DLG1: variants seen among roughly 807,000 people sequenced by gnomAD.
DLG1 encodes disks large homolog 1.
Under a neutral mutation model 123.4 loss-of-function variants are expected in DLG1, and 42 were observed. The observed-to-expected ratio is 0.34, with a 90% CI of 0.27 to 0.44. DLG1 has a LOEUF of 0.44. Ranked by LOEUF, DLG1 falls within the 20% of genes least tolerant of loss-of-function variation. The pLI is 1.00. For synonymous variants in DLG1, 317 were observed against 356.2 expected, an observed-to-expected ratio of 0.89 and a Z score of 1.24; for missense variants, 942 against 1,082.6, an observed-to-expected ratio of 0.87 and a Z score of 1.82.
intron 5 of DLG1, among the ~76,000 whole-genome samples, chr3:197,168,511 T>C (rs1488039642): frequency 6.6e-6 from 1 of 152,234 alleles, no homozygotes; most frequent in Non-Finnish European, 1.5e-5. Context: ...GCAAAGGTTT[T>C]AGAGCAGGGT....
chr3:197,084,540 G>T (rs1753107405), intron 16 of DLG1, among the ~76,000 whole-genome samples: 1 of 151,832 alleles, frequency 6.6e-6, no homozygotes, highest in South Asian at 2.1e-4. Flanking sequence ...TCAAACTCCT[G>T]ACCTCGTGAT....
Position 197,279,440 on chromosome 3 carries a change from A to G in DLG1, c.318+3239T>C, listed in dbSNP as rs1021041887. On this transcript the variant is annotated intron_variant, in intron 4 of 24. Coordinates refer to ENST00000667157, the MANE Select transcript of DLG1 (RefSeq NM_001366207.1). ...TTTAAACATCTAGGCCTTGATGGAC[A>G]TATCCCAATGTTCCCCTTAGAGTCT... Among the ~76,000 whole-genome samples the G allele has an allele frequency of 5.3e-5, 8 of 152,340 alleles. 1 individual carries two copies. Among genetic ancestry groups the G allele is most frequent in the African/African-American group, 1.9e-4 (8 of 41,592 alleles).
chr3:197,076,711 C>CA, intron 17 of DLG1, 26 bp from the exon 18 acceptor site: 1 of 1,563,664 alleles, frequency 6.4e-7, no homozygotes, highest in East Asian at 2.3e-5. Flanking sequence ...AGGGGCAAAA[C>CA]AAAGGGATGT....
intron 4 of DLG1, among the ~76,000 whole-genome samples, chr3:197,250,440 G>A (rs1197244223): frequency 6.6e-6 from 1 of 151,856 alleles, no homozygotes; most frequent in Non-Finnish European, 1.5e-5. Flanking sequence ...GTCATGGTGG[G>A]CACCTGTAAT....
chr3:197,183,964 G>A (rs1287472715), intron 5 of DLG1: 1 of 1,425,922 alleles, frequency 7.0e-7, no homozygotes, highest in East Asian at 2.5e-5. Context: ...TTTTCTCAGT[G>A]ATTTCTTCCT....
chr3:197,258,663 T>G (rs115128302), intron 4 of DLG1, among the ~76,000 whole-genome samples: 1 of 152,118 alleles, frequency 6.6e-6, no homozygotes, highest in East Asian at 1.9e-4. Flanking sequence ...AAAACACATA[T>G]AGAATCACAA....
At chr3:197,109,666 T>C (rs1029127817) in intron 13 of DLG1, among the ~76,000 whole-genome samples, 1 of 152,230 alleles carries the variant, frequency 6.6e-6, no homozygotes, top group Non-Finnish European at 1.5e-5. Context: ...ATTCTCTTAT[T>C]TCCTATAGGG....
chr3:197,075,317 CAAAAAAAA>C (rs58384491), intron 18 of DLG1, among the ~76,000 whole-genome samples: 17 of 90,300 alleles, frequency 1.9e-4, no homozygotes, highest in Admixed American at 5.0e-4. Flanking sequence ...ATAACTTTCT[CAAAAAAAA>C]AAAAAAAAAA....
intron 4 of DLG1, among the ~76,000 whole-genome samples, chr3:197,229,825 C>T (rs981623975): frequency 3.3e-5 from 5 of 152,188 alleles, no homozygotes; most frequent in African/African-American, 9.7e-5. Context: ...TTTGGATATA[C>T]TTTAACACAT....
At chr3:197,137,378 C>T (rs1785556707) in intron 9 of DLG1, among the ~76,000 whole-genome samples, 1 of 152,168 alleles carries the variant, frequency 6.6e-6, no homozygotes, top group Non-Finnish European at 1.5e-5. Flanking sequence ...TTAACTTAGC[C>T]TGTGTACCTG....
chr3:197,228,508 G>C (rs944148824), intron 4 of DLG1, among the ~76,000 whole-genome samples: 1 of 152,202 alleles, frequency 6.6e-6, no homozygotes, highest in Non-Finnish European at 1.5e-5. Context: ...GAATTAACCA[G>C]TGTTTCTTGT....
At chr3:197,078,668 A>G (rs1226446914) in intron 17 of DLG1, 1 of 152,226 alleles carries the variant, frequency 6.6e-6, no homozygotes, top group Admixed American at 6.5e-5. Flanking sequence ...GTTCAAATCC[A>G]AATTTTAGAA....
intron 4 of DLG1, among the ~76,000 whole-genome samples, chr3:197,203,807 T>C (rs114364631): frequency 0.037 from 5,605 of 152,330 alleles, 163 homozygotes; most frequent in Non-Finnish European, 0.051. Flanking sequence ...CATTAAATTG[T>C]ATTGCTCGGG....
intron 9 of DLG1, among the ~76,000 whole-genome samples, chr3:197,136,927 T>G (rs749625174): frequency 2.0e-5 from 3 of 152,248 alleles, no homozygotes; most frequent in Non-Finnish European, 4.4e-5. Context: ...GCAAATGCAC[T>G]TGTTATTCCA....
intron 22 of DLG1, among the ~76,000 whole-genome samples, chr3:197,063,999 G>A (rs1408542096): frequency 6.7e-6 from 1 of 149,788 alleles, no homozygotes; most frequent in Non-Finnish European, 1.5e-5. Context: ...CATGGTTTTG[G>A]CTCACTGCAA....
intron 4 of DLG1, among the ~76,000 whole-genome samples, chr3:197,271,066 A>G (rs1423187980): frequency 6.6e-6 from 1 of 152,196 alleles, no homozygotes; most frequent in East Asian, 1.9e-4. Flanking sequence ...GAGACACTGT[A>G]CCAGATTTGG....
At chr3:197,090,481 A>G (rs1757161942) in intron 15 of DLG1, among the ~76,000 whole-genome samples, 1 of 152,120 alleles carries the variant, frequency 6.6e-6, no homozygotes, top group Non-Finnish European at 1.5e-5. Context: ...GAGGCTATTC[A>G]CATTTTAAAT....
At chr3:197,256,998 AT>A (rs1218801958) in intron 4 of DLG1, among the ~76,000 whole-genome samples, 3 of 152,170 alleles carry the variant, frequency 2.0e-5, no homozygotes, top group Non-Finnish European at 4.4e-5. Flanking sequence ...GTTACTGAAC[AT>A]TTTTACGTGG....
chr3:197,183,894 C>A (rs1222350576), intron 5 of DLG1: 2 of 1,477,880 alleles, frequency 1.4e-6, no homozygotes, highest in Non-Finnish European at 1.8e-6. Flanking sequence ...ACTGCAGCTA[C>A]AATTACAGCA....
Sources: gnomAD v4.1 joint callset for allele counts (sites outside exome capture counted in the v4.1 genomes callset) on GRCh38, gnomAD v4.1.1 for gene constraint, MANE v1.5 for transcripts, NCBI Gene and HGNC (gene_info 2026-07-23, HGNC 2026-07-21) for gene names.